Variants in SYN3 observed in about 807,000 individuals in gnomAD.
The protein encoded by SYN3 is synapsin III, also known as synapsin-3.
In SYN3, 35 loss-of-function variants were observed where a neutral mutation model predicts 65.8. That is an observed-to-expected ratio of 0.53 (90% CI 0.41 to 0.70). The LOEUF (loss-of-function observed/expected upper bound fraction) is 0.70, where lower values mean the gene tolerates loss of function less well. Ranked by LOEUF, SYN3 falls within the 30% of genes least tolerant of loss-of-function variation. SYN3 has a pLI of 0.00. For synonymous variants in SYN3, 270 were observed against 292.9 expected, an observed-to-expected ratio of 0.92 and a Z score of 0.80; for missense variants, 680 against 749.0, an observed-to-expected ratio of 0.91 and a Z score of 1.08.
chr22:32,943,203 C>T (rs886357730), intron 3 of SYN3, among the ~76,000 whole-genome samples: 1 of 152,146 alleles, frequency 6.6e-6, no homozygotes, highest in Non-Finnish European at 1.5e-5. Flanking sequence ...AGAGAAAGGT[C>T]GGGTTACCCA....
chr22:32,973,128 A>G (rs1229695519), intron 3 of SYN3, among the ~76,000 whole-genome samples: 1 of 152,208 alleles, frequency 6.6e-6, no homozygotes, highest in African/African-American at 2.4e-5. Context: ...TCTGGGTAAA[A>G]TGATTTCCCC....
At chr22:32,913,341 G>A (rs2050103617) in intron 4 of SYN3, among the ~76,000 whole-genome samples, 1 of 151,914 alleles carries the variant, frequency 6.6e-6, no homozygotes, top group Non-Finnish European at 1.5e-5. Context: ...TGTATTTTTA[G>A]TAGAGATGGG....
At chr22:32,949,646 C>T (rs1304918206) in intron 3 of SYN3, among the ~76,000 whole-genome samples, 1 of 152,044 alleles carries the variant, frequency 6.6e-6, no homozygotes, top group Admixed American at 6.6e-5. Context: ...TGGCACCTGA[C>T]AAGAAGGTAA....
At position 32,802,016 on chromosome 22, in the gene SYN3, C is replaced by T. The variant is rs756879798; in HGVS notation, c.711+62899G>A. On this transcript the variant is annotated intron_variant, in intron 6 of 13. Transcript: ENST00000358763. ...CAGCAGCGGCAATGACCCCTTGGCT[C>T]GGGCTCATCGTGCTCCTGGGCAGCT... 83 of 1,578,416 alleles carry T rather than the reference C, an allele frequency of 5.3e-5. No homozygotes were observed. The highest frequency in any genetic ancestry group is 1.4e-4 in the Admixed American group (8 of 55,846).
intron 2 of SYN3, 152 bp from the exon 3 acceptor site, chr22:32,980,854 C>CTTT: frequency 1.1e-5 from 6 of 523,182 alleles, no homozygotes; most frequent in Non-Finnish European, 1.3e-5. Context: ...TTTTCTCAGT[C>CTTT]TTTTTTTTTT....
intron 4 of SYN3, among the ~76,000 whole-genome samples, chr22:32,872,423 T>C (rs1461504613): frequency 1.3e-5 from 2 of 152,140 alleles, no homozygotes; most frequent in African/African-American, 2.4e-5. Flanking sequence ...AGCCCCTTAT[T>C]ACCAAGGGGT....
At chr22:32,809,059 TA>T (rs1357310442) in intron 6 of SYN3, among the ~76,000 whole-genome samples, 13 of 152,310 alleles carry the variant, frequency 8.5e-5, no homozygotes, top group African/African-American at 3.1e-4. Flanking sequence ...ATCACAAACA[TA>T]ATACTGTAAT....
intron 12 of SYN3, among the ~76,000 whole-genome samples, chr22:32,525,642 C>T (rs111628536): frequency 0.11 from 15,862 of 148,730 alleles, 840 homozygotes; most frequent in African/African-American, 0.15. Context: ...CCCGGGAAAG[C>T]GGAGTTTGCA....
intron 6 of SYN3, among the ~76,000 whole-genome samples, chr22:32,637,630 C>CTTTTTTTTT (rs1185407986): frequency 6.4e-5 from 6 of 93,562 alleles, no homozygotes; most frequent in East Asian, 3.6e-4. Flanking sequence ...TTTTCTTTTT[C>CTTTTTTTTT]TTTTTTTTTT....
intron 3 of SYN3, among the ~76,000 whole-genome samples, chr22:32,944,746 G>A (rs547816615): frequency 6.6e-6 from 1 of 152,138 alleles, no homozygotes; most frequent in Non-Finnish European, 1.5e-5. Flanking sequence ...AAAAGAGGAA[G>A]TCAAATTGTC....
intron 6 of SYN3, among the ~76,000 whole-genome samples, chr22:32,637,741 G>A (rs1446045172): frequency 6.2e-5 from 9 of 145,492 alleles, no homozygotes; most frequent in Non-Finnish European, 8.9e-5. Flanking sequence ...AGGCTTAAGC[G>A]ACTCTCCTGC....
Position 32,837,993 on chromosome 22 carries a change from C to T in SYN3, c.711+26922G>A, listed in dbSNP as rs576189682. 8.1e-4 allele frequency among the ~76,000 whole-genome samples: 124 copies of T among 152,350 alleles called. No homozygotes were observed. Among genetic ancestry groups the T allele is most frequent in the African/African-American group, 2.8e-3 (116 of 41,582 alleles). On this transcript the variant is annotated intron_variant, in intron 6 of 13. Transcript: ENST00000358763. The surrounding 1 kb of genome is among the most constrained non-coding windows in gnomAD (Gnocchi z 4.1). ...GTCTCTAGTGATTCTCTGATCCCAG[C>T]TCAGGCAGGATGTCTCCCTCCGGCG...
chr22:32,735,738 G>A (rs921670153), intron 6 of SYN3, among the ~76,000 whole-genome samples: 1 of 152,146 alleles, frequency 6.6e-6, no homozygotes, highest in East Asian at 1.9e-4. Flanking sequence ...AGAGGTCATT[G>A]GGTCTCCCAG....
intron 4 of SYN3, among the ~76,000 whole-genome samples, chr22:32,869,330 T>G (rs28403997): frequency 8.3e-6 from 1 of 120,932 alleles, no homozygotes; most frequent in African/African-American, 2.9e-5. Flanking sequence ...ACTATATATA[T>G]TCTCTCTCTC....
At chr22:32,520,437 C>G (rs983857595) in intron 12 of SYN3, among the ~76,000 whole-genome samples, 1 of 152,058 alleles carries the variant, frequency 6.6e-6, no homozygotes, top group East Asian at 1.9e-4. Context: ...GTGCTTGGCC[C>G]CATTTTTACA....
chr22:32,677,082 GT>G (rs2060456264), intron 6 of SYN3, among the ~76,000 whole-genome samples: 1 of 152,192 alleles, frequency 6.6e-6, no homozygotes, highest in Admixed American at 6.5e-5. Context: ...GGACATACAT[GT>G]TGTGGCAGAC....
intron 3 of SYN3, among the ~76,000 whole-genome samples, chr22:32,962,129 C>CTCTTTTT (rs1164668712): frequency 1.9e-5 from 2 of 107,184 alleles, no homozygotes; most frequent in African/African-American, 7.4e-5. Context: ...TTTAGAATCT[C>CTCTTTTT]TTTTTTTTTT....
chr22:32,627,980 C>T (rs1378198134), intron 6 of SYN3, among the ~76,000 whole-genome samples: 1 of 152,162 alleles, frequency 6.6e-6, no homozygotes, highest in African/African-American at 2.4e-5. Flanking sequence ...AGGCACATGC[C>T]ACCACGCCCA....
chr22:32,742,394 T>G (rs940844486), intron 6 of SYN3, among the ~76,000 whole-genome samples: 2 of 152,084 alleles, frequency 1.3e-5, no homozygotes, highest in African/African-American at 2.4e-5. Context: ...CATGGAAATC[T>G]CTGGAAAAGA....
Sources: allele counts gnomAD v4.1 joint callset (sites outside exome capture counted in the v4.1 genomes callset), GRCh38; gene constraint gnomAD v4.1.1; non-coding constraint Gnocchi (gnomAD v3.1); transcripts MANE v1.5; gene names NCBI Gene and HGNC (gene_info 2026-07-23, HGNC 2026-07-21).